ADAM22: variants seen among roughly 807,000 people sequenced by gnomAD.
ADAM22 encodes disintegrin and metalloproteinase domain-containing protein 22.
In ADAM22, 65 loss-of-function variants were observed where a neutral mutation model predicts 144.6. That is an observed-to-expected ratio of 0.45 (90% confidence interval 0.37 to 0.55). The LOEUF (loss-of-function observed/expected upper bound fraction) is 0.55. Among genes scored for constraint, ADAM22 ranks in the 20% least tolerant of loss-of-function variants. The probability of loss-of-function intolerance (pLI) is 0.00; values close to 1 mark genes in which losing one functional copy is unlikely to be tolerated. For missense variants in ADAM22, 974 were observed against 1,184.9 expected (o/e 0.82, Z 2.61); for synonymous variants, 391 against 412.6 (o/e 0.95, Z 0.63).
chr7:88,130,555 A>G (rs1831506519), intron 10 of ADAM22, 96 bp downstream of exon 10: 3 of 1,235,274 alleles, frequency 2.4e-6, no homozygotes, highest in East Asian at 2.5e-5. Context: ...TTACTGCTCT[A>G]TGTTGCACTT....
chr7:87,955,148 C>T (rs1846330873), intron 2 of ADAM22, among the ~76,000 whole-genome samples: 1 of 152,250 alleles, frequency 6.6e-6, no homozygotes, highest in African/African-American at 2.4e-5. Context: ...CAAAGTCATT[C>T]TCCATCCAGC....
At chr7:87,956,480 C>A (rs1562848881) in intron 2 of ADAM22, among the ~76,000 whole-genome samples, 1 of 152,146 alleles carries the variant, frequency 6.6e-6, no homozygotes, top group Non-Finnish European at 1.5e-5. Context: ...ATAGAATTAA[C>A]CCATTTAAAA....
At position 88,125,499 on chromosome 7, in the gene ADAM22, T is replaced by A. The variant is rs547553252; in HGVS notation, c.608-90T>A. On this transcript the variant is annotated intron_variant, in intron 7 of 31. Transcript: ENST00000413139. ...AGTGCAACATTATGTATTATAAAAT[T>A]CATAAGAAGGAAGGGCAGGTAAAAC... 2.6e-4 allele frequency: 203 copies of A among 790,192 alleles called. No individual in the cohort carries two copies. The African/African-American group carries it at 3.2e-3, about 12-fold the overall frequency. 48.9% of individuals were successfully genotyped at this position (790,192 alleles called of 1,614,324 possible).
At chr7:87,956,208 C>T (rs1447720589) in intron 2 of ADAM22, among the ~76,000 whole-genome samples, 5 of 152,136 alleles carry the variant, frequency 3.3e-5, no homozygotes, top group East Asian at 1.9e-4. Context: ...AGAAATCACC[C>T]GTCTTCTGCA....
At chr7:88,071,151 G>A (rs1034222062) in intron 3 of ADAM22, among the ~76,000 whole-genome samples, 1 of 152,108 alleles carries the variant, frequency 6.6e-6, no homozygotes, top group Non-Finnish European at 1.5e-5. Context: ...TGTGTGAAGG[G>A]AGGTGATTTA....
intron 3 of ADAM22, among the ~76,000 whole-genome samples, chr7:87,986,803 G>A (rs1320548138): frequency 6.6e-6 from 1 of 151,898 alleles, no homozygotes; most frequent in Non-Finnish European, 1.5e-5. Context: ...TTTTTTAATA[G>A]GGGAATCTGG....
At chr7:88,053,138 A>G (rs1806981300) in intron 3 of ADAM22, among the ~76,000 whole-genome samples, 1 of 152,114 alleles carries the variant, frequency 6.6e-6, no homozygotes, top group Non-Finnish European at 1.5e-5. Flanking sequence ...ATGCATGTAT[A>G]TGTGAATATA....
At chr7:87,983,128 A>G (rs1854108490) in intron 3 of ADAM22, among the ~76,000 whole-genome samples, 1 of 152,108 alleles carries the variant, frequency 6.6e-6, no homozygotes, top group Non-Finnish European at 1.5e-5. Flanking sequence ...AATATGTTCC[A>G]TTATTAGTTT....
chr7:88,036,469 C>T (rs1254191402), intron 3 of ADAM22, among the ~76,000 whole-genome samples: 1 of 152,060 alleles, frequency 6.6e-6, no homozygotes, highest in African/African-American at 2.4e-5. Context: ...TATAGCAACC[C>T]ATTTTATCAC....
intron 4 of ADAM22, among the ~76,000 whole-genome samples, chr7:88,086,067 T>A (rs1033782294): frequency 2.6e-5 from 4 of 152,062 alleles, no homozygotes; most frequent in African/African-American, 9.7e-5. Context: ...TCCCAGCTAC[T>A]CAGGAGGCTG....
chr7:88,012,245 C>T (rs912229782), intron 3 of ADAM22, among the ~76,000 whole-genome samples: 1 of 152,142 alleles, frequency 6.6e-6, no homozygotes, highest in Non-Finnish European at 1.5e-5. Context: ...TATTCATCAG[C>T]TCTTGGATGT....
In ADAM22 at chr7:88,090,291, T is replaced by A. The variant is rs118089376; in HGVS notation, c.390+14599T>A. Among the ~76,000 whole-genome samples the A allele has an allele frequency of 2.4e-3, 361 of 152,278 alleles. 2 individuals are homozygous for A. Among genetic ancestry groups the A allele is most frequent in the Non-Finnish European group, 3.5e-3 (239 of 68,016 alleles). On this transcript the variant is annotated intron_variant, in intron 4 of 31. Coordinates refer to ENST00000413139, the MANE Select transcript of ADAM22 (RefSeq NM_001324418.2). ...AACCCTCAGGTGCAGGTGTTACAGG[T>A]TGTGGCATGAGCATGCAGGTACCTC...
At chr7:88,082,752 G>A (rs1300441032) in intron 4 of ADAM22, among the ~76,000 whole-genome samples, 1 of 152,000 alleles carries the variant, frequency 6.6e-6, no homozygotes, top group African/African-American at 2.4e-5. Flanking sequence ...CACCATCACT[G>A]GCCATCAGAG....
chr7:88,011,773 G>A (rs971886640), intron 3 of ADAM22, among the ~76,000 whole-genome samples: 59 of 142,468 alleles, frequency 4.1e-4, no homozygotes, highest in Non-Finnish European at 3.0e-4. Context: ...CTTCTTTCAA[G>A]ATTTTCTCTT....
chr7:88,191,124 A>G (rs1030387705), intron 30 of ADAM22, among the ~76,000 whole-genome samples: 1 of 152,228 alleles, frequency 6.6e-6, no homozygotes, highest in African/African-American at 2.4e-5. Flanking sequence ...GTGTTATTTT[A>G]AGAAGTAGTA....
At chr7:88,074,553 T>C (rs1813704589) in intron 3 of ADAM22, among the ~76,000 whole-genome samples, 1 of 152,264 alleles carries the variant, frequency 6.6e-6, no homozygotes, top group Non-Finnish European at 1.5e-5. Context: ...TTGTTTAATA[T>C]ACTTTTTGTT....
intron 3 of ADAM22, among the ~76,000 whole-genome samples, chr7:88,024,564 A>G (rs1446212299): frequency 1.3e-5 from 2 of 151,802 alleles, no homozygotes; most frequent in East Asian, 1.9e-4. Flanking sequence ...TTTTTTTTAA[A>G]TTATACTTTA....
intron 3 of ADAM22, among the ~76,000 whole-genome samples, chr7:88,061,065 C>T (rs915927340): frequency 1.3e-5 from 2 of 152,108 alleles, no homozygotes; most frequent in Middle Eastern, 3.4e-3. Context: ...GATTGCACCA[C>T]TGCACTCCAG....
chr7:87,987,458 C>T lies in ADAM22; in HGVS notation c.323+9046C>T, dbSNP rs112815499. Among the ~76,000 whole-genome samples, 891 of 152,176 alleles carry T rather than the reference C, an allele frequency of 5.9e-3. 16 individuals are homozygous for T. Among genetic ancestry groups the T allele is most frequent in the East Asian group, 0.046 (240 of 5,186 alleles). ...CCTCCCAAAGTGCTGGGATTACAGG[C>T]GTGAGCCACCACGCCTGGCCCCAGG... On this transcript the variant is annotated intron_variant, in intron 3 of 31. Transcript: ENST00000413139.
Sources: gnomAD v4.1 joint callset for allele counts (sites outside exome capture counted in the v4.1 genomes callset) on GRCh38, gnomAD v4.1.1 for gene constraint, MANE v1.5 for transcripts, NCBI Gene and HGNC (gene_info 2026-07-23, HGNC 2026-07-21) for gene names.